Variants in POLD1 observed in about 807,000 individuals in gnomAD.
POLD1 encodes DNA polymerase delta 1, catalytic subunit.
POLD1 carries 79 observed loss-of-function variants against 129.7 expected under a neutral mutation model. That is an observed-to-expected ratio of 0.61 (90% CI 0.51 to 0.73). POLD1 has a LOEUF of 0.73. Ranked by LOEUF, POLD1 falls within the 30% of genes least tolerant of loss-of-function variation. The pLI, the probability that POLD1 is intolerant of heterozygous loss-of-function variation, is 0.00. For synonymous variants in POLD1, 714 were observed against 683.3 expected (o/e 1.04, Z -0.70); for missense variants, 1,338 against 1,595.8 (o/e 0.84, Z 2.75).
chr19:50,387,578 G>A (rs2038014831), intron 1 of POLD1: 1 of 152,408 alleles, frequency 6.6e-6, no homozygotes, highest in Non-Finnish European at 1.5e-5. Flanking sequence ...TGCCCCTGGT[G>A]ACACCGTCCC....
chr19:50,403,680 C>A, intron 10 of POLD1, 83 bp downstream of exon 10: 1 of 882,074 alleles, frequency 1.1e-6, no homozygotes, highest in Non-Finnish European at 1.9e-6. Context: ...CACTCCCTCT[C>A]CACATGGCTT....
At chr19:50,412,359 G>A (rs2039115938) in intron 17 of POLD1, among the ~76,000 whole-genome samples, 1 of 151,788 alleles carries the variant, frequency 6.6e-6, no homozygotes, top group Non-Finnish European at 1.5e-5. Flanking sequence ...CACCATGTTG[G>A]CCAGGCTGGT....
Position 50,415,808 on chromosome 19 carries a change from C to A in POLD1, c.2802C>A (p.Ala934=). ...TCATCAGTGCCGCCAAGGGTGTGGC[C>A]GCCTACATGAAGTCGGAGGTCAGGC... ...YVIISAAKGV[A]AYMKSEDPLF... Residue 934 remains alanine (A), a synonymous_variant, in exon 22 of 27, where the codon GCC becomes GCA. Coordinates refer to ENST00000440232, the MANE Select transcript of POLD1 (RefSeq NM_002691.4). The A allele has an allele frequency of 6.5e-7, 1 of 1,541,252 alleles. No homozygotes were observed. The highest frequency in any genetic ancestry group is 8.7e-7 in the Non-Finnish European group (1 of 1,144,424).
Position 50,408,865 on chromosome 19 carries a change from C to G in POLD1, c.1856C>G (p.Thr619Ser), listed in dbSNP as rs780291643. Residue 619 changes from threonine to serine, a missense_variant, in exon 15 of 27, where the codon ACC becomes AGC. Transcript: ENST00000440232. ...ATGATGGCCCACAACCTGTGTTACACCACGCTCCTTCGGCCCGGGACTGCA... is the reference window on the plus strand; with the variant it reads ...ATGATGGCCCACAACCTGTGTTACAGCACGCTCCTTCGGCCCGGGACTGCA... ...SIMMAHNLCY[T>S]TLLRPGTAQK... 6.2e-7 allele frequency: 1 copy of G among 1,613,824 alleles called. No homozygotes were observed. Among genetic ancestry groups the G allele is most frequent in the Non-Finnish European group, 8.5e-7 (1 of 1,179,892 alleles).
At chr19:50,411,237 T>C (rs1233429179) in intron 17 of POLD1, among the ~76,000 whole-genome samples, 3 of 152,182 alleles carry the variant, frequency 2.0e-5, no homozygotes, top group African/African-American at 7.2e-5. Context: ...AGCCAGACCT[T>C]TCTTTGCACA....
At chr19:50,387,249 G>A (rs963613042) in intron 1 of POLD1, among the ~76,000 whole-genome samples, 4 of 152,120 alleles carry the variant, frequency 2.6e-5, no homozygotes, top group Admixed American at 6.6e-5. Flanking sequence ...TCCAGGAGGC[G>A]GAGGTTGCAG....
intron 17 of POLD1, among the ~76,000 whole-genome samples, chr19:50,413,088 T>A (rs923171805): frequency 2.0e-5 from 3 of 152,000 alleles, no homozygotes; most frequent in African/African-American, 7.2e-5. Flanking sequence ...GGTGGTCCTG[T>A]ACCATAGAGA....
At chr19:50,398,814 G>T in intron 1 of POLD1, 37 bp from the exon 2 acceptor site, 1 of 1,596,262 alleles carries the variant, frequency 6.3e-7, no homozygotes, top group South Asian at 1.1e-5. Context: ...AGGTGTCTCC[G>T]GTCAGAACCT....
rs2039005725 is a variant in POLD1 at position 50,409,169 on chromosome 19, TG to T, written c.1941del (p.Lys648ArgfsTer46). On this transcript the variant is annotated frameshift_variant, in exon 16 of 27. Transcript: ENST00000440232. LOFTEE classifies it high-confidence loss of function. This position sits in a 1 kb window ranked among gnomAD's most constrained non-coding sequence, Gnocchi z 5.8. The part of the protein sequence containing the change: ...FIRTPTGDEF[V>X]KTSVRKGLLP... ...AGGACCCCCACCGGGGACGAGTTTG[TG>T]AAGACCTCAGTGCGGAAGGGGCTGC... 6.2e-7 allele frequency: 1 copy of T among 1,613,842 alleles called. No homozygotes were observed. The highest frequency in any genetic ancestry group is 8.5e-7 in the Non-Finnish European group (1 of 1,179,866).
chr19:50,415,754 C>CAGCCTGGGCGACCGCGTCCCCTACA lies in POLD1; in HGVS notation c.2772_2773insAAGCCTGGGCGACCGCGTCCCCTAC (p.Val925LysfsTer37). On this transcript the variant is annotated frameshift_variant, in exon 22 of 27. Coordinates refer to ENST00000440232, the MANE Select transcript of POLD1 (RefSeq NM_002691.4). LOFTEE classifies it high-confidence loss of function. ...GGAAGCGGGACCCCGGGAGTGCGCC[C>CAGCCTGGGCGACCGCGTCCCCTACA]AGCCTGGGCGACCGCGTCCCCTACG... is the stretch of plus-strand genomic sequence containing the variant. The CAGCCTGGGCGACCGCGTCCCCTACA allele has an allele frequency of 6.4e-7, 1 of 1,567,578 alleles. No homozygotes were observed. The highest frequency in any genetic ancestry group is 8.6e-7 in the Non-Finnish European group (1 of 1,159,140).
chr19:50,400,146 T>A (rs2038531612), intron 3 of POLD1, among the ~76,000 whole-genome samples: 1 of 126,832 alleles, frequency 7.9e-6, no homozygotes, highest in African/African-American at 4.0e-5. Flanking sequence ...TTTTTTTTTT[T>A]TTTTTTTTTT....
chr19:50,389,977 T>G (rs1244169673), intron 1 of POLD1, among the ~76,000 whole-genome samples: 1 of 150,086 alleles, frequency 6.7e-6, no homozygotes, highest in East Asian at 2.0e-4. Context: ...GGTGCGATCT[T>G]GGCTCACTGC....
chr19:50,417,393 G>A (rs542768576), intron 26 of POLD1, 124 bp downstream of exon 26: 2 of 655,318 alleles, frequency 3.1e-6, no homozygotes, highest in East Asian at 5.5e-5. Flanking sequence ...TCCCCTTCCA[G>A]CTGTGAGCTG....
In POLD1 at chr19:50,406,406, G is replaced by A. The variant is rs1321820200; in HGVS notation, c.1384-1G>A. The stretch of plus-strand genomic sequence containing the variant: ...GCCCACCAGCCCACCCACCCACCTA[G>A]GTGCTGCTGCGGGAGTACAAGCTCC... On this transcript the variant is annotated splice_acceptor_variant, in intron 11 of 26. Transcript: ENST00000440232. LOFTEE classifies it high-confidence loss of function. The surrounding 1 kb of genome is among the most constrained non-coding windows in gnomAD (Gnocchi z 5.5). The A allele has an allele frequency of 6.2e-7, 1 of 1,604,718 alleles. No individual in the cohort carries two copies. Among genetic ancestry groups the A allele is most frequent in the African/African-American group, 1.3e-5 (1 of 74,702 alleles).
rs778927849 is a variant in POLD1, at chr19:50,402,278, C to T, written c.663C>T (p.Ala221=). 2.5e-6 allele frequency: 4 copies of T among 1,607,414 alleles called. No individual in the cohort carries two copies. The South Asian group carries it at 3.3e-5, about 13-fold the overall frequency. The part of the protein sequence containing the change: ...RITVALPRLV[A]PARRLLEQGI... ...CCGTGGCGCTGCCGCGCCTCGTGGC[C>T]CCGGCCCGCCGTCTCCTGGAACAGG... Residue 221 remains alanine, a synonymous_variant, in exon 6 of 27, where the codon GCC becomes GCT. Transcript: ENST00000440232.
At position 50,404,241 on chromosome 19, in the gene POLD1, G is replaced by A. The variant is rs112793727; in HGVS notation, c.1242+644G>A. 7.3e-3 allele frequency among the ~76,000 whole-genome samples: 1,116 copies of A among 151,880 alleles called. 16 individuals carry two copies. The highest frequency in any genetic ancestry group is 0.025 in the African/African-American group (1,050 of 41,380). ...TCTTCACACCGTCTTCTCTCTGTGCGTGTCTGTTTCCACATGTCCTCCCTT... is the reference window on the plus strand; with the variant it reads ...TCTTCACACCGTCTTCTCTCTGTGCATGTCTGTTTCCACATGTCCTCCCTT... On this transcript the variant is annotated intron_variant, in intron 10 of 26. Transcript: ENST00000440232.
In POLD1 at chr19:50,415,833, C is replaced by G. The variant is rs1057521527; in HGVS notation, c.2820+7C>G. ...CGCCTACATGAAGTCGGAGGTCAGG[C>G]CCACCTGGCTGCCTGCTCCCGCCCA... On this transcript the variant is annotated splice_region_variant and intron_variant, in intron 22 of 26. Coordinates refer to ENST00000440232, the MANE Select transcript of POLD1 (RefSeq NM_002691.4). 2.8e-5 allele frequency: 41 copies of G among 1,484,486 alleles called. 1 individual carries two copies. The highest frequency in any genetic ancestry group is 3.3e-5 in the Non-Finnish European group (37 of 1,111,162). 92.0% of individuals were successfully genotyped at this position (1,484,486 alleles called of 1,614,324 possible).
In POLD1 at chr19:50,399,425, C is replaced by T. The variant is rs148040399; in HGVS notation, c.257C>T (p.Ala86Val). ...CGCTGGCTTCGGCCCACACCACCAGCGCTGGACCCCCAGACAGAGCCCCTC... is the reference window on the plus strand; with the variant it reads ...CGCTGGCTTCGGCCCACACCACCAGTGCTGGACCCCCAGACAGAGCCCCTC... ...DPRWLRPTPP[A>V]LDPQTEPLIF... Residue 86 changes from alanine (A) to valine (V), a missense_variant, in exon 3 of 27, where the codon GCG becomes GTG. Ala to Val is a moderately conservative substitution (Grantham distance 64). Coordinates refer to ENST00000440232, the MANE Select transcript of POLD1 (RefSeq NM_002691.4). 2.1e-5 allele frequency: 34 copies of T among 1,614,050 alleles called. No homozygotes were observed. Among genetic ancestry groups the T allele is most frequent in the African/African-American group, 1.7e-4 (13 of 74,934 alleles).
chr19:50,393,650 A>C (rs2038243992), intron 1 of POLD1, among the ~76,000 whole-genome samples: 2 of 152,200 alleles, frequency 1.3e-5, no homozygotes, highest in South Asian at 4.1e-4. Context: ...TGGGCAACAG[A>C]GTGAGATCCT....
Sources: gnomAD v4.1 joint callset for allele counts (sites outside exome capture counted in the v4.1 genomes callset) on GRCh38, gnomAD v4.1.1 for gene constraint, Gnocchi (gnomAD v3.1) non-coding constraint, MANE v1.5 for transcripts, NCBI Gene and HGNC (gene_info 2026-07-23, HGNC 2026-07-21) for gene names.